RAP1B: variants seen among roughly 807,000 people sequenced by gnomAD.
The protein encoded by RAP1B is ras-related protein Rap-1b.
In RAP1B, 1 loss-of-function variant was observed where a neutral mutation model predicts 27.5. The observed-to-expected ratio is 0.04, with a 90% confidence interval of 0.01 to 0.17. The LOEUF (loss-of-function observed/expected upper bound fraction) is 0.17. Among genes scored for constraint, RAP1B ranks in the 10% least tolerant of loss-of-function variants. The pLI, the probability that RAP1B is intolerant of heterozygous loss-of-function variation, is 1.00. For synonymous variants in RAP1B, 75 were observed against 73.1 expected (o/e 1.03, Z -0.13); for missense variants, 84 against 214.8 (o/e 0.39, Z 3.81).
At chr12:68,619,486 G>A (rs1871247791) in intron 1 of RAP1B, among the ~76,000 whole-genome samples, 1 of 152,132 alleles carries the variant, frequency 6.6e-6, no homozygotes, top group South Asian at 2.1e-4. Flanking sequence ...CAAAGTGTCA[G>A]CTAGACCAAT....
intron 1 of RAP1B, among the ~76,000 whole-genome samples, chr12:68,630,673 G>A (rs1872169305): frequency 6.6e-6 from 1 of 151,644 alleles, no homozygotes; most frequent in Non-Finnish European, 1.5e-5. Context: ...GGTCTTTTTT[G>A]TTTTTGTTTT....
chr12:68,654,371 T>C, intron 5 of RAP1B, 119 bp downstream of exon 5: 1 of 729,734 alleles, frequency 1.4e-6, no homozygotes, highest in Non-Finnish European at 2.1e-6. Context: ...GTGTTGGTTT[T>C]TTTAAACTTT....
chr12:68,645,727 G>A (rs1378500380), intron 1 of RAP1B, among the ~76,000 whole-genome samples: 1 of 152,224 alleles, frequency 6.6e-6, no homozygotes, highest in African/African-American at 2.4e-5. Context: ...GTCAGAGTTG[G>A]CATTCGCAAT....
chr12:68,645,924 TATC>T (rs1873370648), intron 1 of RAP1B, among the ~76,000 whole-genome samples: 1 of 152,158 alleles, frequency 6.6e-6, no homozygotes, highest in Non-Finnish European at 1.5e-5. Flanking sequence ...GTAAAGAAAA[TATC>T]ATGTATTCAT....
In RAP1B at chr12:68,667,033, A is replaced by G. The variant is rs1467462301; in HGVS notation, c.*7784A>G. The G allele has an allele frequency of 2.0e-5, 3 of 152,230 alleles. No individual in the cohort carries two copies. The highest frequency in any genetic ancestry group is 1.9e-4 in the East Asian group (1 of 5,206). 9.4% of individuals were successfully genotyped at this position (152,230 alleles called of 1,614,324 possible). On this transcript the variant is annotated 3_prime_UTR_variant, in exon 8 of 8. Coordinates refer to ENST00000250559, the MANE Select transcript of RAP1B (RefSeq NM_001010942.3). The stretch of plus-strand genomic sequence containing the variant: ...TTGTCATCCCACAGAATTACCTTCT[A>G]CTTGTGTCAGTATATATCCTGCCTA...
At chr12:68,622,978 A>C (rs1240717772) in intron 1 of RAP1B, among the ~76,000 whole-genome samples, 3 of 152,326 alleles carry the variant, frequency 2.0e-5, no homozygotes, top group African/African-American at 7.2e-5. Context: ...TGGGATTTAC[A>C]GGCGTGAGCC....
At chr12:68,654,570 C>T (rs978954841) in intron 5 of RAP1B, among the ~76,000 whole-genome samples, 12 of 151,854 alleles carry the variant, frequency 7.9e-5, no homozygotes, top group Non-Finnish European at 1.5e-4. Context: ...CTGTACCTCC[C>T]GGGTTCACGC....
intron 1 of RAP1B, among the ~76,000 whole-genome samples, chr12:68,642,134 A>G (rs1873057085): frequency 6.6e-6 from 1 of 152,234 alleles, no homozygotes; most frequent in Non-Finnish European, 1.5e-5. Flanking sequence ...ACTAAAGATG[A>G]ATACAAATGT....
At chr12:68,623,817 T>A (rs980322917) in intron 1 of RAP1B, among the ~76,000 whole-genome samples, 2 of 152,040 alleles carry the variant, frequency 1.3e-5, no homozygotes, top group South Asian at 4.1e-4. Flanking sequence ...GGTCAGGAGA[T>A]CGAGACCATC....
rs1875031564 is a variant in RAP1B, at chr12:68,670,175, A to G, written c.*10926A>G. On this transcript the variant is annotated 3_prime_UTR_variant, in exon 8 of 8. Transcript: ENST00000250559. ...AGTTGCGAACTCCCAACCTCAGGTC[A>G]TCTGCCCGCCTCAGCCTCCCAAAGT... 1.3e-5 allele frequency: 2 copies of G among 152,142 alleles called. No homozygotes were observed. Among genetic ancestry groups the G allele is most frequent in the Admixed American group, 1.3e-4 (2 of 15,268 alleles). 9.4% of individuals were successfully genotyped at this position (152,142 alleles called of 1,614,324 possible). A position where few individuals can be genotyped will look rare whatever the true frequency, so the allele number is the denominator to read the frequency against.
Position 68,664,018 on chromosome 12 carries a change from G to A in RAP1B, c.*4769G>A, listed in dbSNP as rs2135979618. 2 of 152,070 alleles carry A rather than the reference G, an allele frequency of 1.3e-5. 1 individual carries two copies. Among genetic ancestry groups the A allele is most frequent in the South Asian group, 4.2e-4 (2 of 4,806 alleles). The allele number at this position is 152,070 out of a possible 1,614,324, so 9.4% of individuals were successfully genotyped here. A position where few individuals can be genotyped will look rare whatever the true frequency, so the allele number is the denominator to read the frequency against. On this transcript the variant is annotated 3_prime_UTR_variant, in exon 8 of 8. Coordinates refer to ENST00000250559, the MANE Select transcript of RAP1B (RefSeq NM_001010942.3). ...TAATTTTTCTCATTTCTCCAAAAGG[G>A]TACGAAGACAGTTTTTACTATGTTG...
At chr12:68,650,285 G>GTTT in intron 2 of RAP1B, 115 bp from the exon 3 acceptor site, 1 of 907,114 alleles carries the variant, frequency 1.1e-6, no homozygotes, top group Non-Finnish European at 1.5e-6. Flanking sequence ...ATTGGCTGTG[G>GTTT]TTTTTTTTTT....
intron 1 of RAP1B, chr12:68,621,424 T>C (rs1786700821): frequency 6.6e-6 from 1 of 152,364 alleles, no homozygotes; most frequent in Non-Finnish European, 1.5e-5. Context: ...AGCTTGTTTA[T>C]ACTTGTGTTT....
intron 1 of RAP1B, among the ~76,000 whole-genome samples, chr12:68,642,143 G>C (rs1034396136): frequency 6.6e-6 from 1 of 152,178 alleles, no homozygotes; most frequent in African/African-American, 2.4e-5. Flanking sequence ...GAATACAAAT[G>C]TACTACATTT....
intron 1 of RAP1B, 45 bp downstream of exon 1, chr12:68,611,088 G>C (rs1043524343): frequency 9.3e-6 from 2 of 214,902 alleles, no homozygotes; most frequent in African/African-American, 5.0e-5. Flanking sequence ...CCGCGGCGGC[G>C]GCCGCGCGGG....
At chr12:68,618,739 GA>G (rs1871192863) in intron 1 of RAP1B, among the ~76,000 whole-genome samples, 3 of 150,146 alleles carry the variant, frequency 2.0e-5, no homozygotes, top group Non-Finnish European at 4.4e-5. Context: ...CATGCACTCA[GA>G]TTTTTTTTTA....
chr12:68,638,816 A>C (rs1370755228), intron 1 of RAP1B, among the ~76,000 whole-genome samples: 1 of 151,954 alleles, frequency 6.6e-6, no homozygotes, highest in Non-Finnish European at 1.5e-5. Context: ...ATGCACCACC[A>C]AACCCGACTG....
At chr12:68,615,423 A>G (rs1870913505) in intron 1 of RAP1B, among the ~76,000 whole-genome samples, 1 of 152,072 alleles carries the variant, frequency 6.6e-6, no homozygotes, top group Non-Finnish European at 1.5e-5. Flanking sequence ...TCAGTATACA[A>G]TTCAAAATAC....
chr12:68,654,383 TC>T (rs1221146210), intron 5 of RAP1B, 131 bp downstream of exon 5: 4 of 701,182 alleles, frequency 5.7e-6, no homozygotes, highest in African/African-American at 1.8e-5. Flanking sequence ...TTAAACTTTT[TC>T]CTTGAAAGGC....
Sources: allele counts gnomAD v4.1 joint callset (sites outside exome capture counted in the v4.1 genomes callset), GRCh38; gene constraint gnomAD v4.1.1; transcripts MANE v1.5; gene names NCBI Gene and HGNC (gene_info 2026-07-23, HGNC 2026-07-21).